Variants in ERBIN observed in about 807,000 individuals in gnomAD.
ERBIN encodes the protein erbb2 interacting protein.
In ERBIN, 60 loss-of-function variants were observed where a neutral mutation model predicts 158.4. The observed-to-expected ratio is 0.38, with a 90% CI of 0.31 to 0.47. The LOEUF (loss-of-function observed/expected upper bound fraction) is 0.47, where lower values mean the gene tolerates loss of function less well. Ranked by LOEUF, ERBIN falls within the 20% of genes least tolerant of loss-of-function variation. The pLI, the probability that ERBIN is intolerant of heterozygous loss-of-function variation, is 0.99. For synonymous variants in ERBIN, 594 were observed against 557.2 expected (o/e 1.07, Z -0.93); for missense variants, 1,610 against 1,648.0 (o/e 0.98, Z 0.40).
intron 1 of ERBIN, among the ~76,000 whole-genome samples, chr5:65,957,684 C>G (rs890178070): frequency 6.6e-6 from 1 of 152,248 alleles, no homozygotes; most frequent in Non-Finnish European, 1.5e-5. Flanking sequence ...TTCTATTCGA[C>G]AAAACCGCCA....
chr5:65,957,262 G>C (rs533501912), intron 1 of ERBIN, among the ~76,000 whole-genome samples: 1 of 150,570 alleles, frequency 6.6e-6, no homozygotes, highest in Non-Finnish European at 1.5e-5. Flanking sequence ...GGTGTTTCTC[G>C]CAGAGGGGGA....
intron 1 of ERBIN, among the ~76,000 whole-genome samples, chr5:65,937,716 G>A (rs1744250304): frequency 1.3e-5 from 2 of 152,134 alleles, no homozygotes; most frequent in South Asian, 4.1e-4. Flanking sequence ...AGACCATCCT[G>A]GCTAACACGG....
chr5:65,980,063 A>G (rs549431306), intron 1 of ERBIN, among the ~76,000 whole-genome samples: 56 of 152,368 alleles, frequency 3.7e-4, no homozygotes, highest in Admixed American at 3.3e-3. Flanking sequence ...AGGAGATAAA[A>G]TGGAGTAAAA....
chr5:65,928,552 A>G (rs1055059329), intron 1 of ERBIN, among the ~76,000 whole-genome samples: 13 of 152,182 alleles, frequency 8.5e-5, no homozygotes, highest in African/African-American at 3.1e-4. Flanking sequence ...AATTTTGTAT[A>G]AAAAAAGTAT....
intron 1 of ERBIN, among the ~76,000 whole-genome samples, chr5:65,929,659 G>A (rs1425079046): frequency 8.7e-6 from 1 of 114,644 alleles, no homozygotes; most frequent in Non-Finnish European, 1.7e-5. Flanking sequence ...TTTTTTTTTC[G>A]AGATGGAGTC....
rs1754267961 is a variant in ERBIN, at chr5:66,012,097, T to C, written c.356T>C (p.Ile119Thr). 1.9e-6 allele frequency: 3 copies of C among 1,607,426 alleles called. No homozygotes were observed. Among genetic ancestry groups the C allele is most frequent in the Non-Finnish European group, 1.7e-6 (2 of 1,176,406 alleles). The change falls in exon 5 of 26, where the codon ATT becomes ACT. Residue 119 changes from isoleucine to threonine, a missense_variant. By Grantham distance (89) the Ile-to-Thr change is moderately conservative. Around this residue, in one of 2 missense-constraint regions of ERBIN, gnomAD observed 596 missense variants for 711.9 expected, o/e 0.84. Coordinates refer to ENST00000284037, the MANE Select transcript of ERBIN (RefSeq NM_001253697.2). ...ENIKNCKVLT[I>T]VEASVNPISK... The stretch of plus-strand genomic sequence containing the variant: ...ATAAAAAATTGTAAAGTTTTGACAA[T>C]TGTGGAGGCCAGTGTAAACCCTATT...
chr5:66,014,702 A>G lies in ERBIN; in HGVS notation c.510A>G (p.Glu170=). ...LTKLQILELR[E]NQLKMLPKTM... ...AACTCCAAATATTAGAGCTTAGAGAAAACCAGTTAAAAATGTTGCCTAAGT... is the reference window on the plus strand; with the variant it reads ...AACTCCAAATATTAGAGCTTAGAGAGAACCAGTTAAAAATGTTGCCTAAGT... Residue 170 remains glutamate, a synonymous_variant, in exon 7 of 26, where the codon GAA becomes GAG. Transcript: ENST00000284037. 6.9e-7 allele frequency: 1 copy of G among 1,452,350 alleles called. No individual in the cohort carries two copies. Among genetic ancestry groups the G allele is most frequent in the Non-Finnish European group, 9.3e-7 (1 of 1,073,030 alleles). 90.0% of individuals were successfully genotyped at this position (1,452,350 alleles called of 1,614,324 possible).
chr5:65,987,472 G>C (rs1372080955), intron 1 of ERBIN, among the ~76,000 whole-genome samples: 2 of 152,104 alleles, frequency 1.3e-5, no homozygotes, highest in African/African-American at 2.4e-5. Flanking sequence ...TAAGGCAGGA[G>C]AATCCTTTGA....
At chr5:65,979,195 G>A (rs251612) in intron 1 of ERBIN, among the ~76,000 whole-genome samples, 128,443 of 152,100 alleles carry the variant, frequency 0.84, 54,844 homozygotes, top group African/African-American at 0.91. Flanking sequence ...GAGAGGTGGA[G>A]GCAGGAGGAT....
chr5:66,047,220 C>A (rs149982573), intron 18 of ERBIN, among the ~76,000 whole-genome samples: 2 of 152,080 alleles, frequency 1.3e-5, no homozygotes, highest in African/African-American at 4.8e-5. Context: ...TAAGTGGAAT[C>A]ATACAATATG....
intron 1 of ERBIN, among the ~76,000 whole-genome samples, chr5:65,952,838 G>A (rs958384996): frequency 6.6e-6 from 1 of 152,166 alleles, no homozygotes; most frequent in Non-Finnish European, 1.5e-5. Flanking sequence ...GGAGAAATAA[G>A]CCTTTCAGAC....
intron 11 of ERBIN, 145 bp downstream of exon 11, chr5:66,025,697 A>G (rs1756170561): frequency 2.3e-6 from 2 of 852,560 alleles, no homozygotes; most frequent in Non-Finnish European, 3.6e-6. Context: ...TGTTTATGAT[A>G]GACAAACCTA....
chr5:65,999,973 G>A lies in ERBIN; in HGVS notation c.307+5109G>A, dbSNP rs945453546. 9.2e-5 allele frequency among the ~76,000 whole-genome samples: 14 copies of A among 151,970 alleles called. 1 individual carries two copies. Among genetic ancestry groups the A allele is most frequent in the African/African-American group, 3.4e-4 (14 of 41,384 alleles). ...ATCATATCTACCTTTTCATCCTAAA[G>A]GAGTATCTCTACATATGTTGACAGA... On this transcript the variant is annotated intron_variant, in intron 4 of 25. Transcript: ENST00000284037.
intron 1 of ERBIN, among the ~76,000 whole-genome samples, chr5:65,938,957 A>C (rs536243177): frequency 6.6e-6 from 1 of 152,206 alleles, no homozygotes; most frequent in Non-Finnish European, 1.5e-5. Context: ...TTGTTCCTGA[A>C]CTGGATTTTT....
intron 1 of ERBIN, among the ~76,000 whole-genome samples, chr5:65,941,776 T>C (rs1171025394): frequency 1.3e-5 from 2 of 152,138 alleles, no homozygotes. Flanking sequence ...AGTGTCGTTT[T>C]GTCGCCCAGG....
At chr5:65,930,158 C>T (rs941653026) in intron 1 of ERBIN, among the ~76,000 whole-genome samples, 2 of 152,146 alleles carry the variant, frequency 1.3e-5, no homozygotes, top group Admixed American at 6.5e-5. Flanking sequence ...AACTGTTAGT[C>T]TATGTTTATC....
intron 1 of ERBIN, among the ~76,000 whole-genome samples, chr5:65,973,259 G>C (rs940963190): frequency 1.3e-5 from 2 of 150,844 alleles, no homozygotes; most frequent in African/African-American, 2.5e-5. Context: ...GTTGTGGGGT[G>C]GGGGGAGCGG....
intron 1 of ERBIN, among the ~76,000 whole-genome samples, chr5:65,956,545 CTTTTTTT>C (rs775550780): frequency 1.5e-5 from 2 of 136,050 alleles, no homozygotes; most frequent in African/African-American, 2.7e-5. Context: ...AATTTTTTTA[CTTTTTTT>C]TTTTTTTTGG....
chr5:65,938,108 G>A (rs1283367023), intron 1 of ERBIN, among the ~76,000 whole-genome samples: 4 of 151,834 alleles, frequency 2.6e-5, no homozygotes, highest in South Asian at 2.1e-4. Context: ...TTGTTGATAC[G>A]CATATTTGTT....
Sources: allele counts gnomAD v4.1 joint callset (sites outside exome capture counted in the v4.1 genomes callset), GRCh38; gene constraint gnomAD v4.1.1; regional missense constraint gnomAD v4.1.1; transcripts MANE v1.5; gene names NCBI Gene and HGNC (gene_info 2026-07-23, HGNC 2026-07-21).